The following PLXNA2 variants were observed in gnomAD, a reference collection of about 807,000 sequenced individuals.
PLXNA2 encodes the protein plexin A2, also known as plexin-A2.
PLXNA2 carries 91 observed loss-of-function variants against 193.5 expected under a neutral mutation model. The ratio of observed to expected loss-of-function variants is 0.47; its 90% CI spans 0.40 to 0.56. The LOEUF (loss-of-function observed/expected upper bound fraction) is 0.56. Ranked by LOEUF, PLXNA2 falls within the 20% of genes least tolerant of loss-of-function variation. The pLI is 0.00. For missense variants in PLXNA2, 1,995 were observed against 2,503.2 expected, an observed-to-expected ratio of 0.80 and a Z score of 4.33; for synonymous variants, 997 against 1,027.3, an observed-to-expected ratio of 0.97 and a Z score of 0.56.
At chr1:208,156,623 A>G (rs377166328) in intron 3 of PLXNA2, among the ~76,000 whole-genome samples, 25 of 152,284 alleles carry the variant, frequency 1.6e-4, no homozygotes, top group African/African-American at 5.8e-4. Flanking sequence ...TCCCTAAAAT[A>G]CACTCACCTT....
chr1:208,204,437 T>C (rs1232080516), intron 3 of PLXNA2, among the ~76,000 whole-genome samples: 1 of 152,156 alleles, frequency 6.6e-6, no homozygotes, highest in Non-Finnish European at 1.5e-5. Flanking sequence ...CTTCCAGATG[T>C]TGTTAACCAG....
intron 4 of PLXNA2, among the ~76,000 whole-genome samples, chr1:208,114,754 T>C (rs563652186): frequency 6.6e-6 from 1 of 152,342 alleles, no homozygotes; most frequent in East Asian, 1.9e-4. Flanking sequence ...ACTGGTTCCC[T>C]TGGGCAGAAC....
chr1:208,136,069 A>G (rs538491695), intron 4 of PLXNA2, among the ~76,000 whole-genome samples: 15 of 152,314 alleles, frequency 9.8e-5, no homozygotes, highest in African/African-American at 3.4e-4. Flanking sequence ...ACTGTGGTCA[A>G]CAGTCCCAAC....
chr1:208,164,992 C>T (rs548183459), intron 3 of PLXNA2, among the ~76,000 whole-genome samples: 40 of 152,336 alleles, frequency 2.6e-4, no homozygotes, highest in African/African-American at 7.9e-4. Flanking sequence ...AAGTCAGGGA[C>T]GGAACCAAAG....
chr1:208,207,572 G>T (rs2102594151), intron 3 of PLXNA2, among the ~76,000 whole-genome samples: 1 of 152,268 alleles, frequency 6.6e-6, no homozygotes, highest in South Asian at 2.1e-4. Context: ...ACAGACGCCG[G>T]GAGAAGTGAG....
rs1270272568 is a variant in PLXNA2 at position 208,024,581 on chromosome 1, C to T, written c.*2662G>A. 6.6e-6 allele frequency: 1 copy of T among 152,448 alleles called. No homozygotes were observed. The highest frequency in any genetic ancestry group is 1.5e-5 in the Non-Finnish European group (1 of 68,224). The allele number at this position is 152,448 out of a possible 1,614,324, so 9.4% of individuals were successfully genotyped here. ...GAAATGTGGCCAAACCACTCACAGCCAGCTCCGGCTCTTCACTCTCCACCC... is the reference window on the plus strand; with the variant it reads ...GAAATGTGGCCAAACCACTCACAGCTAGCTCCGGCTCTTCACTCTCCACCC... On this transcript the variant is annotated 3_prime_UTR_variant, in exon 32 of 32. Transcript: ENST00000367033.
chr1:208,131,045 A>C (rs1668133737), intron 4 of PLXNA2, among the ~76,000 whole-genome samples: 1 of 152,188 alleles, frequency 6.6e-6, no homozygotes, highest in Non-Finnish European at 1.5e-5. Context: ...GGAGCTGTTC[A>C]AGCCTGAACC....
chr1:208,085,733 G>C (rs936995675), intron 9 of PLXNA2, among the ~76,000 whole-genome samples: 2 of 152,146 alleles, frequency 1.3e-5, no homozygotes, highest in African/African-American at 4.8e-5. Flanking sequence ...TTCAGCATCT[G>C]GCCCTTGCCT....
chr1:208,042,743 C>G (rs1664914798), intron 21 of PLXNA2, among the ~76,000 whole-genome samples: 1 of 152,224 alleles, frequency 6.6e-6, no homozygotes, highest in African/African-American at 2.4e-5. Flanking sequence ...AATGAACAAA[C>G]AAACCTCATA....
intron 12 of PLXNA2, among the ~76,000 whole-genome samples, chr1:208,077,378 A>G (rs942892348): frequency 3.3e-5 from 5 of 152,326 alleles, no homozygotes; most frequent in African/African-American, 1.2e-4. Context: ...GCAGCCCGTC[A>G]GCCCCCGGTC....
intron 1 of PLXNA2, among the ~76,000 whole-genome samples, chr1:208,227,545 G>A (rs1671550893): frequency 6.6e-6 from 1 of 152,206 alleles, no homozygotes; most frequent in South Asian, 2.1e-4. Context: ...AGAATGTTTA[G>A]TAAGACTTGG....
At chr1:208,068,403 C>T (rs958784278) in intron 12 of PLXNA2, among the ~76,000 whole-genome samples, 2 of 152,138 alleles carry the variant, frequency 1.3e-5, no homozygotes, top group Non-Finnish European at 2.9e-5. Flanking sequence ...GATTCCTCAT[C>T]GAATGGAGGA....
intron 4 of PLXNA2, among the ~76,000 whole-genome samples, chr1:208,136,537 T>C (rs1668306360): frequency 1.3e-5 from 2 of 152,194 alleles, no homozygotes; most frequent in Non-Finnish European, 2.9e-5. Flanking sequence ...AGGTTCCTCC[T>C]CCCTTCTCTC....
chr1:208,127,879 G>A (rs771403479), intron 4 of PLXNA2, among the ~76,000 whole-genome samples: 49 of 152,232 alleles, frequency 3.2e-4, no homozygotes, highest in Non-Finnish European at 4.7e-4. Flanking sequence ...GCAGCGAGTA[G>A]GGAAGATCAA....
rs191369111 is a variant in PLXNA2, at chr1:208,141,954, G to A, written c.1506+375C>T. ...TTGGGTCTGCCTCTCCCAGGAGTGGGCCCAGCCCAGAGGCCTGGATTATTT... is the reference window on the plus strand; with the variant it reads ...TTGGGTCTGCCTCTCCCAGGAGTGGACCCAGCCCAGAGGCCTGGATTATTT... On this transcript the variant is annotated intron_variant, in intron 4 of 31. Coordinates refer to ENST00000367033, the MANE Select transcript of PLXNA2 (RefSeq NM_025179.4). 3.9e-5 allele frequency among the ~76,000 whole-genome samples: 6 copies of A among 152,330 alleles called. No homozygotes were observed. The East Asian group carries it at 1.2e-3, about 29-fold the overall frequency.
chr1:208,163,219 G>C (rs1403264745), intron 3 of PLXNA2, among the ~76,000 whole-genome samples: 1 of 152,134 alleles, frequency 6.6e-6, no homozygotes, highest in African/African-American at 2.4e-5. Context: ...ACTGTTTCTG[G>C]TGGAGGGATG....
At chr1:208,129,439 T>C (rs1218112335) in intron 4 of PLXNA2, among the ~76,000 whole-genome samples, 1 of 152,104 alleles carries the variant, frequency 6.6e-6, no homozygotes, top group Non-Finnish European at 1.5e-5. Flanking sequence ...GAAAGGTGGG[T>C]GGATTGAGCC....
At chr1:208,103,087 T>C in intron 5 of PLXNA2, 60 bp downstream of exon 5, 1 of 1,133,700 alleles carries the variant, frequency 8.8e-7, no homozygotes, top group African/African-American at 1.5e-5. Context: ...TATCCCATCA[T>C]TCCCGGAAAG....
intron 3 of PLXNA2, among the ~76,000 whole-genome samples, chr1:208,153,530 A>G (rs72740739): frequency 0.038 from 5,801 of 152,324 alleles, 171 homozygotes; most frequent in Non-Finnish European, 0.062. Flanking sequence ...TTCTGTCGAA[A>G]TGATCTTTTC....
Sources: gnomAD v4.1 joint callset for allele counts (sites outside exome capture counted in the v4.1 genomes callset) on GRCh38, gnomAD v4.1.1 for gene constraint, MANE v1.5 for transcripts, NCBI Gene and HGNC (gene_info 2026-07-23, HGNC 2026-07-21) for gene names.